AMD1: variants seen among roughly 807,000 people sequenced by gnomAD.
AMD1 encodes the protein S-adenosylmethionine decarboxylase proenzyme.
Under a neutral mutation model 40.2 loss-of-function variants are expected in AMD1, and 11 were observed. The ratio of observed to expected loss-of-function variants is 0.27; its 90% CI spans 0.17 to 0.45. AMD1 has a LOEUF of 0.45. Among genes scored for constraint, AMD1 ranks in the 20% least tolerant of loss-of-function variants. The pLI is 1.00. For synonymous variants in AMD1, 121 were observed against 130.8 expected, an observed-to-expected ratio of 0.93 and a Z score of 0.51; for missense variants, 257 against 410.2, an observed-to-expected ratio of 0.63 and a Z score of 3.23.
At chr6:110,825,016 TA>T in the AMD1 span, among the ~76,000 whole-genome samples, 1 of 152,148 alleles carries the variant, frequency 6.6e-6, no homozygotes, top group Non-Finnish European at 1.5e-5. Context: ...AAGACTGCAA[TA>T]CCCAGTATAG....
At chr6:110,844,993 A>AG in the AMD1 span, among the ~76,000 whole-genome samples, 14 of 149,238 alleles carry the variant, frequency 9.4e-5, no homozygotes, top group South Asian at 2.1e-4. Context: ...GAGAGAGAGA[A>AG]AGCAAGCGCA....
chr6:110,869,074 A>T, the AMD1 span, among the ~76,000 whole-genome samples: 11 of 152,078 alleles, frequency 7.2e-5, no homozygotes, highest in African/African-American at 1.7e-4. Flanking sequence ...AAAAAAAAAA[A>T]TTTAATGTAA....
chr6:110,841,194 G>A, the AMD1 span, among the ~76,000 whole-genome samples: 22 of 152,286 alleles, frequency 1.4e-4, no homozygotes, highest in African/African-American at 5.3e-4. Flanking sequence ...TGTATTTTTA[G>A]TAGAGATGGG....
At chr6:110,821,364 C>T in the AMD1 span, among the ~76,000 whole-genome samples, 1 of 152,144 alleles carries the variant, frequency 6.6e-6, no homozygotes, top group African/African-American at 2.4e-5. Context: ...TTTGGGAGGC[C>T]GAGGCGGGTG....
At position 110,894,537 on chromosome 6, in the gene AMD1, A is replaced by G. The variant is rs1786203937; in HGVS notation, c.*921A>G. On this transcript the variant is annotated 3_prime_UTR_variant, in exon 9 of 9. Coordinates refer to ENST00000368885, the MANE Select transcript of AMD1 (RefSeq NM_001634.6). ...ACATACAATTCTGTGTTCCTCAGTA[A>G]ATGAGATTAGCGTCTAATGAGTAGC... The G allele has an allele frequency of 2.0e-5, 3 of 152,232 alleles. No individual in the cohort carries two copies. Among genetic ancestry groups the G allele is most frequent in the African/African-American group, 7.2e-5 (3 of 41,460 alleles). The allele number at this position is 152,232 out of a possible 1,614,324, so 9.4% of individuals were successfully genotyped here.
upstream of AMD1, among the ~76,000 whole-genome samples, chr6:110,871,419 G>A (rs1784916426): frequency 6.6e-6 from 1 of 152,016 alleles, no homozygotes; most frequent in East Asian, 1.9e-4. Flanking sequence ...CTAGGGTGGT[G>A]GTAGAAATGA....
rs1274167350 is a variant in AMD1 at position 110,895,600 on chromosome 6, T to G, written c.*1984T>G. On this transcript the variant is annotated 3_prime_UTR_variant, in exon 9 of 9. Transcript: ENST00000368885. ...CATCGTATGATAGAAGAGGGAAAGT[T>G]TTGGTGCCATAATTTCTCCTTTCAC... 1 of 152,764 alleles carries G rather than the reference T, an allele frequency of 6.5e-6. No individual in the cohort carries two copies. The highest frequency in any genetic ancestry group is 1.9e-4 in the East Asian group (1 of 5,192). 9.5% of individuals were successfully genotyped at this position (152,764 alleles called of 1,614,324 possible).
chr6:110,889,888 C>T (rs933901229), intron 3 of AMD1: 21 of 165,608 alleles, frequency 1.3e-4, no homozygotes, highest in African/African-American at 5.0e-4. Flanking sequence ...TATGTTATTC[C>T]CCCCAAATTT....
At chr6:110,836,265 G>C in the AMD1 span, among the ~76,000 whole-genome samples, 7,332 of 152,020 alleles carry the variant, frequency 0.048, 182 homozygotes, top group Middle Eastern at 0.078. Context: ...CTCATCTTTG[G>C]AGGTGTTAAA....
At chr6:110,820,221 ATTCT>A in the AMD1 span, among the ~76,000 whole-genome samples, 12 of 148,026 alleles carry the variant, frequency 8.1e-5, no homozygotes, top group Non-Finnish European at 1.5e-4. Flanking sequence ...CGCACCCCAA[ATTCT>A]TTCTTTCTTT....
intron 2 of AMD1, 133 bp from the exon 3 acceptor site, chr6:110,888,724 G>T: frequency 1.2e-6 from 1 of 821,720 alleles, no homozygotes; most frequent in Non-Finnish European, 1.9e-6. Context: ...AAAGAATAAT[G>T]TGTTACTTGC....
At chr6:110,882,213 C>T (rs1785445579) in intron 1 of AMD1, among the ~76,000 whole-genome samples, 1 of 152,158 alleles carries the variant, frequency 6.6e-6, no homozygotes, top group South Asian at 2.1e-4. Context: ...CTCACTGCAA[C>T]CTAATTTTAA....
chr6:110,830,043 T>C, the AMD1 span, among the ~76,000 whole-genome samples: 1 of 151,832 alleles, frequency 6.6e-6, no homozygotes, highest in African/African-American at 2.4e-5. Context: ...TGAGACAGAG[T>C]CTGGCTCTGT....
chr6:110,886,542 G>C (rs996179524), intron 1 of AMD1, among the ~76,000 whole-genome samples: 1 of 152,120 alleles, frequency 6.6e-6, no homozygotes, highest in African/African-American at 2.4e-5. Context: ...CTGACCTCAA[G>C]TGATCCACCG....
the AMD1 span, among the ~76,000 whole-genome samples, chr6:110,855,040 G>T: frequency 7.0e-6 from 1 of 142,838 alleles, no homozygotes; most frequent in African/African-American, 2.6e-5. Context: ...TTCTCTAATT[G>T]CATGGCTTAA....
At chr6:110,851,264 CCTTTT>C in the AMD1 span, among the ~76,000 whole-genome samples, 1 of 152,106 alleles carries the variant, frequency 6.6e-6, no homozygotes, top group Admixed American at 6.6e-5. Flanking sequence ...CCACGCCCGG[CCTTTT>C]CTTTTATTTT....
chr6:110,876,733 T>C (rs1785135834), intron 1 of AMD1, among the ~76,000 whole-genome samples: 1 of 152,202 alleles, frequency 6.6e-6, no homozygotes, highest in Non-Finnish European at 1.5e-5. Context: ...TTTCCTTCAT[T>C]TCACAGATGA....
At chr6:110,838,246 G>A in the AMD1 span, among the ~76,000 whole-genome samples, 8 of 149,614 alleles carry the variant, frequency 5.3e-5, no homozygotes, top group East Asian at 2.0e-4. Context: ...AAAATTAGCC[G>A]GGTGTGGTGG....
chr6:110,855,615 C>T, the AMD1 span, among the ~76,000 whole-genome samples: 1 of 152,138 alleles, frequency 6.6e-6, no homozygotes, highest in Non-Finnish European at 1.5e-5. Context: ...GAAATGTCTT[C>T]TCCCTATTTC....
Sources: allele counts gnomAD v4.1 joint callset (sites outside exome capture counted in the v4.1 genomes callset), GRCh38; gene constraint gnomAD v4.1.1; transcripts MANE v1.5; gene names NCBI Gene and HGNC (gene_info 2026-07-23, HGNC 2026-07-21).